ERICH3: variants seen among roughly 807,000 people sequenced by gnomAD.
The protein encoded by ERICH3 is glutamate rich 3, also known as glutamate-rich protein 3.
A neutral mutation model predicts 131.1 loss-of-function variants in ERICH3; 126 were observed. That is an observed-to-expected ratio of 0.96 (90% confidence interval 0.83 to 1.11). The LOEUF (loss-of-function observed/expected upper bound fraction) is 1.11. ERICH3 is among the 50% of genes most tolerant of loss of function. The pLI is 0.00. For synonymous variants in ERICH3, 695 were observed against 644.6 expected (o/e 1.08, Z -1.18); for missense variants, 2,050 against 1,810.7 (o/e 1.13, Z -2.40).
intron 11 of ERICH3, among the ~76,000 whole-genome samples, chr1:74,593,289 A>G (rs1285613257): frequency 6.6e-6 from 1 of 151,974 alleles, no homozygotes; most frequent in African/African-American, 2.4e-5. Flanking sequence ...CTTTTTTGGC[A>G]TCACTATAAT....
chr1:74,641,408 G>A lies in ERICH3; in HGVS notation c.367C>T (p.His123Tyr). ...TTACTCTTTGGGCCAACTGGTGGGT[G>A]GGGAGACAGGATTGGCATGTTATTT... is the stretch of plus-strand genomic sequence containing the variant. ...VENNMPILSPHPPVGPKSNRG... is the reference protein window; with the variant it reads ...VENNMPILSPYPPVGPKSNRG... The change falls in exon 5 of 15, where the codon CAC (histidine) becomes TAC (tyrosine). Residue 123 changes from histidine (H) to tyrosine (Y), a missense_variant. His to Tyr is a moderately conservative substitution (Grantham distance 83, BLOSUM62 2). Coordinates refer to ENST00000326665, the MANE Select transcript of ERICH3 (RefSeq NM_001002912.5). The A allele has an allele frequency of 6.2e-7, 1 of 1,611,764 alleles. No individual in the cohort carries two copies. The highest frequency in any genetic ancestry group is 1.3e-5 in the African/African-American group (1 of 74,796).
chr1:74,673,746 G>A lies in ERICH3; in HGVS notation c.-227C>T. 1 of 412,378 alleles carries A rather than the reference G, an allele frequency of 2.4e-6. No homozygotes were observed. The highest frequency in any genetic ancestry group is 4.2e-6 in the Non-Finnish European group (1 of 236,368). The allele number at this position is 412,378 out of a possible 1,614,324, so 25.5% of individuals were successfully genotyped here. A position where few individuals can be genotyped will look rare whatever the true frequency, so the allele number is the denominator to read the frequency against. ...ATCCACAGCTTCCCTGTTGCTAAGGGAGGAGAGAGGCAAGCGCCCAGGGTC... is the reference window on the plus strand; with the variant it reads ...ATCCACAGCTTCCCTGTTGCTAAGGAAGGAGAGAGGCAAGCGCCCAGGGTC... On this transcript the variant is annotated 5_prime_UTR_variant, in exon 1 of 15. Transcript: ENST00000326665.
At chr1:74,639,698 A>G (rs987233574) in intron 5 of ERICH3, among the ~76,000 whole-genome samples, 1 of 152,164 alleles carries the variant, frequency 6.6e-6, no homozygotes, top group African/African-American at 2.4e-5. Flanking sequence ...CATCGTTTTA[A>G]TGGGAGTGGT....
At chr1:74,651,530 A>G (rs1487403590) in intron 1 of ERICH3, among the ~76,000 whole-genome samples, 1 of 152,154 alleles carries the variant, frequency 6.6e-6, no homozygotes, top group Admixed American at 6.6e-5. Context: ...TCAACATTGT[A>G]TACCTTACCC....
intron 10 of ERICH3, among the ~76,000 whole-genome samples, chr1:74,602,745 G>A (rs1289707952): frequency 2.6e-5 from 4 of 151,426 alleles, no homozygotes; most frequent in Admixed American, 6.6e-5. Flanking sequence ...TAGTTATGTT[G>A]GTTTAAGAAA....
At chr1:74,625,948 T>C (rs1202302192) in intron 7 of ERICH3, 1 of 152,144 alleles carries the variant, frequency 6.6e-6, no homozygotes, top group Non-Finnish European at 1.5e-5. Flanking sequence ...GGTAGCTCAT[T>C]TGCTGTAAGT....
chr1:74,612,801 G>C lies in ERICH3; in HGVS notation c.1009C>G (p.Gln337Glu). The change falls in exon 9 of 15, where the codon CAG becomes GAG. Residue 337 changes from glutamine to glutamate, a missense_variant. Transcript: ENST00000326665. ...CCATGATGCCTTTTGGAAATAAACTGAAAGGTCTCTGGAATTAAAATAGAA... is the reference window on the plus strand; with the variant it reads ...CCATGATGCCTTTTGGAAATAAACTCAAAGGTCTCTGGAATTAAAATAGAA... The part of the protein sequence containing the change: ...KGKLLEKETF[Q>E]FISKRHHGFP... 1 of 1,575,510 alleles carries C rather than the reference G, an allele frequency of 6.3e-7. No homozygotes were observed.
At chr1:74,590,138 G>T in intron 11 of ERICH3, 58 bp from the exon 12 acceptor site, 1 of 1,376,358 alleles carries the variant, frequency 7.3e-7, no homozygotes, top group South Asian at 1.5e-5. Flanking sequence ...TGGTTTAATT[G>T]TAAAAATTAT....
chr1:74,585,132 A>T (rs1647270681), intron 12 of ERICH3, among the ~76,000 whole-genome samples: 1 of 152,206 alleles, frequency 6.6e-6, no homozygotes, highest in South Asian at 2.1e-4. Context: ...TGTATAAATT[A>T]AATTAAGTTT....
chr1:74,587,324 C>CAAAAAAAA (rs11330631), intron 12 of ERICH3, among the ~76,000 whole-genome samples: 2 of 56,274 alleles, frequency 3.6e-5, no homozygotes. Flanking sequence ...GACTCCATCT[C>CAAAAAAAA]AAAAAAAAAA....
intron 1 of ERICH3, among the ~76,000 whole-genome samples, chr1:74,656,919 C>A (rs962980701): frequency 5.9e-5 from 9 of 152,152 alleles, no homozygotes; most frequent in Admixed American, 2.0e-4. Context: ...ATGTAAAATT[C>A]TCTTCTTGTA....
At chr1:74,639,564 A>G (rs1435520401) in intron 5 of ERICH3, among the ~76,000 whole-genome samples, 1 of 152,228 alleles carries the variant, frequency 6.6e-6, no homozygotes, top group Non-Finnish European at 1.5e-5. Flanking sequence ...AAACCATACC[A>G]GAATATGAAT....
chr1:74,594,270 G>GC (rs1349069463), intron 11 of ERICH3, among the ~76,000 whole-genome samples: 1 of 143,450 alleles, frequency 7.0e-6, no homozygotes, highest in African/African-American at 2.9e-5. Context: ...CACAAAAATG[G>GC]GGCGTGTGTG....
intron 10 of ERICH3, among the ~76,000 whole-genome samples, chr1:74,600,370 T>C (rs1208666859): frequency 6.6e-6 from 1 of 151,834 alleles, no homozygotes; most frequent in East Asian, 1.9e-4. Flanking sequence ...ACTTAATGAA[T>C]AGTGAAGTGG....
At chr1:74,617,546 T>A (rs1027269350) in intron 8 of ERICH3, among the ~76,000 whole-genome samples, 2 of 152,188 alleles carry the variant, frequency 1.3e-5, no homozygotes, top group Non-Finnish European at 2.9e-5. Context: ...ACTACAAATA[T>A]GCATGACTCT....
chr1:74,649,232 C>G lies in ERICH3; in HGVS notation c.107G>C (p.Arg36Thr), dbSNP rs751387879. The G allele has an allele frequency of 6.2e-7, 1 of 1,609,964 alleles. No homozygotes were observed. Among genetic ancestry groups the G allele is most frequent in the East Asian group, 2.2e-5 (1 of 44,722 alleles). The change falls in exon 2 of 15, where the codon AGA (arginine) becomes ACA (threonine). Residue 36 changes from arginine to threonine, a missense_variant. Arg to Thr is a moderately conservative substitution (Grantham distance 71, BLOSUM62 -1). Coordinates refer to ENST00000326665, the MANE Select transcript of ERICH3 (RefSeq NM_001002912.5). ...NNTRIRRHLL[R>T]SGLITRSGRI... ...TAAACCAAAACTTACCAGTCCTGATCTTAAGAGATGACGCCTTATCCTTGT... is the reference window on the plus strand; with the variant it reads ...TAAACCAAAACTTACCAGTCCTGATGTTAAGAGATGACGCCTTATCCTTGT...
chr1:74,611,155 C>T (rs536368514), intron 9 of ERICH3, among the ~76,000 whole-genome samples: 1 of 152,212 alleles, frequency 6.6e-6, no homozygotes, highest in Non-Finnish European at 1.5e-5. Flanking sequence ...ATCCAACTGC[C>T]TACTCAGCAT....
intron 11 of ERICH3, chr1:74,592,166 T>C (rs1647638474): frequency 6.6e-6 from 1 of 152,212 alleles, no homozygotes; most frequent in African/African-American, 2.4e-5. Context: ...CCCTGAAGTC[T>C]AATTCCATTT....
chr1:74,611,398 C>G (rs1242590145), intron 9 of ERICH3, among the ~76,000 whole-genome samples: 1 of 152,158 alleles, frequency 6.6e-6, no homozygotes, highest in Non-Finnish European at 1.5e-5. Flanking sequence ...ACTTCTAACT[C>G]ATTCCACCAT....
Sources: gnomAD v4.1 joint callset for allele counts (sites outside exome capture counted in the v4.1 genomes callset) on GRCh38, gnomAD v4.1.1 for gene constraint, MANE v1.5 for transcripts, NCBI Gene and HGNC (gene_info 2026-07-23, HGNC 2026-07-21) for gene names.